TBC1D5: variants seen among roughly 807,000 people sequenced by gnomAD.
The protein encoded by TBC1D5 is TBC1 domain family member 5.
In TBC1D5, 75 loss-of-function variants were observed where a neutral mutation model predicts 100.3. The observed-to-expected ratio is 0.75, with a 90% CI of 0.62 to 0.91. TBC1D5 has a LOEUF of 0.91. Ranked by LOEUF, TBC1D5 falls within the 40% of genes least tolerant of loss-of-function variation. The pLI, the probability that TBC1D5 is intolerant of heterozygous loss-of-function variation, is 0.00. For missense variants in TBC1D5, 910 were observed against 942.4 expected (o/e 0.97, Z 0.45); for synonymous variants, 323 against 325.6 (o/e 0.99, Z 0.09).
intron 17 of TBC1D5, among the ~76,000 whole-genome samples, chr3:17,217,833 T>C (rs2073834878): frequency 6.6e-6 from 1 of 152,036 alleles, no homozygotes; most frequent in Non-Finnish European, 1.5e-5. Context: ...TTCTTAATGG[T>C]GTCCTTGGAA....
At chr3:17,353,895 T>G (rs946348274) in intron 13 of TBC1D5, among the ~76,000 whole-genome samples, 4 of 152,112 alleles carry the variant, frequency 2.6e-5, no homozygotes, top group African/African-American at 4.8e-5. Context: ...AATGGGTTTG[T>G]GACTGTTAAC....
At chr3:17,620,955 C>T (rs574087289) in intron 2 of TBC1D5, among the ~76,000 whole-genome samples, 6 of 152,232 alleles carry the variant, frequency 3.9e-5, no homozygotes, top group Admixed American at 3.9e-4. Context: ...GGAGGGAGAA[C>T]TTCAAACAAA....
At chr3:17,448,485 T>C (rs967311419) in intron 3 of TBC1D5, among the ~76,000 whole-genome samples, 11 of 152,368 alleles carry the variant, frequency 7.2e-5, no homozygotes, top group Non-Finnish European at 1.5e-4. Flanking sequence ...CTATGAATTA[T>C]GAAATGTATT....
At chr3:17,161,416 C>G (rs567143642) in intron 21 of TBC1D5, among the ~76,000 whole-genome samples, 160 bp from the exon 23 acceptor site, 1 of 152,334 alleles carries the variant, frequency 6.6e-6, no homozygotes, top group Non-Finnish European at 1.5e-5. Flanking sequence ...GCCCTGAAGC[C>G]CACACGTTTA....
chr3:17,452,169 C>CA (rs1455300602), intron 3 of TBC1D5, among the ~76,000 whole-genome samples: 2 of 150,444 alleles, frequency 1.3e-5, no homozygotes, highest in African/African-American at 4.9e-5. Flanking sequence ...AATGGATACA[C>CA]AAAAAAATAA....
chr3:17,309,597 ATTT>A (rs543947364), intron 13 of TBC1D5, among the ~76,000 whole-genome samples: 1 of 151,322 alleles, frequency 6.6e-6, no homozygotes, highest in East Asian at 1.9e-4. Flanking sequence ...GATTAACACA[ATTT>A]TTTTTTGTCT....
intron 1 of TBC1D5, among the ~76,000 whole-genome samples, chr3:17,650,018 T>C (rs61236237): frequency 0.5 from 75,944 of 151,792 alleles, 20,530 homozygotes; most frequent in East Asian, 0.94. Flanking sequence ...CTGGAAACCA[T>C]CATTCTCAGC....
chr3:17,348,324 T>C (rs185467229), intron 13 of TBC1D5, among the ~76,000 whole-genome samples: 2 of 152,316 alleles, frequency 1.3e-5, no homozygotes, highest in East Asian at 1.9e-4. Flanking sequence ...GCTAATATAT[T>C]AAGCAAGCGA....
intron 1 of TBC1D5, among the ~76,000 whole-genome samples, chr3:17,625,309 A>C (rs2062962283): frequency 6.6e-6 from 1 of 152,076 alleles, no homozygotes; most frequent in South Asian, 2.1e-4. Flanking sequence ...TATACATGTA[A>C]GTATGTAGGA....
intron 3 of TBC1D5, among the ~76,000 whole-genome samples, chr3:17,454,448 A>C (rs1453304908): frequency 6.6e-6 from 1 of 152,100 alleles, no homozygotes; most frequent in East Asian, 1.9e-4. Context: ...AACATATAAA[A>C]ATCAATAGCA....
At chr3:17,662,042 C>A (rs186464863) in intron 1 of TBC1D5, among the ~76,000 whole-genome samples, 19 of 152,186 alleles carry the variant, frequency 1.2e-4, no homozygotes, top group Admixed American at 7.8e-4. Context: ...AGCTATGCAC[C>A]ACATGTCCAG....
chr3:17,675,118 A>G (rs2068455126), intron 1 of TBC1D5, among the ~76,000 whole-genome samples: 1 of 152,114 alleles, frequency 6.6e-6, no homozygotes, highest in Non-Finnish European at 1.5e-5. Flanking sequence ...AAATATCCCC[A>G]AAGTAATTCT....
At chr3:17,640,743 A>C (rs2064419162) in intron 1 of TBC1D5, among the ~76,000 whole-genome samples, 1 of 152,084 alleles carries the variant, frequency 6.6e-6, no homozygotes, top group Admixed American at 6.6e-5. Flanking sequence ...GCAAAAATGC[A>C]ATGCCCTTTT....
At chr3:17,404,183 C>G (rs937782104) in intron 7 of TBC1D5, among the ~76,000 whole-genome samples, 4 of 151,936 alleles carry the variant, frequency 2.6e-5, no homozygotes, top group African/African-American at 7.3e-5. Flanking sequence ...AAAATTAGAG[C>G]ACTCATACTT....
At chr3:17,592,565 C>T (rs912061568) in intron 2 of TBC1D5, among the ~76,000 whole-genome samples, 8 of 152,186 alleles carry the variant, frequency 5.3e-5, no homozygotes, top group Admixed American at 2.6e-4. Flanking sequence ...GCAATACATT[C>T]CTCATCTGGG....
At chr3:17,292,706 C>T (rs1575163968) in intron 14 of TBC1D5, among the ~76,000 whole-genome samples, 1 of 152,118 alleles carries the variant, frequency 6.6e-6, no homozygotes, top group East Asian at 1.9e-4. Flanking sequence ...TACTTTACTT[C>T]TTGACAATCT....
chr3:17,699,977 C>T (rs2072898725), intron 1 of TBC1D5: 1 of 152,202 alleles, frequency 6.6e-6, no homozygotes, highest in Non-Finnish European at 1.5e-5. Context: ...ACCCCCTTCA[C>T]CTGTTAGAAG....
intron 16 of TBC1D5, among the ~76,000 whole-genome samples, chr3:17,246,596 G>A (rs917292521): frequency 1.3e-5 from 2 of 152,120 alleles, no homozygotes; most frequent in African/African-American, 4.8e-5. Context: ...ACACATATAT[G>A]GCCAGTTGAT....
In TBC1D5 at chr3:17,307,984, A is replaced by G. The variant is rs772767678; in HGVS notation, c.1138+8T>C. ...TAGTCAAATGTAGGAAAGGTCATTA[A>G]TACTTACAAGCATCTCGGATGTAAA... On this transcript the variant is annotated splice_region_variant and intron_variant, in intron 14 of 21. Coordinates refer to ENST00000253692, the Ensembl canonical transcript of TBC1D5. 43 of 1,600,368 alleles carry G rather than the reference A, an allele frequency of 2.7e-5. No individual in the cohort carries two copies. In the Admixed American group the frequency reaches 7.5e-4, roughly 28 times the overall value.
Sources: gnomAD v4.1 joint callset for allele counts (sites outside exome capture counted in the v4.1 genomes callset) on GRCh38, gnomAD v4.1.1 for gene constraint, MANE v1.5 for transcripts, NCBI Gene and HGNC (gene_info 2026-07-23, HGNC 2026-07-21) for gene names.